Variants in RASL12 observed in about 807,000 individuals in gnomAD.
RASL12 encodes the protein ras-like protein family member 12.
Under a neutral mutation model 22.9 loss-of-function variants are expected in RASL12, and 16 were observed. The observed-to-expected ratio is 0.70, with a 90% CI of 0.47 to 1.06. The LOEUF is 1.06. RASL12 is among the 50% of genes least tolerant of loss of function. The probability of loss-of-function intolerance (pLI) is 0.00; values close to 1 mark genes in which losing one functional copy is unlikely to be tolerated. For synonymous variants in RASL12, 159 were observed against 152.2 expected (o/e 1.04, Z -0.33); for missense variants, 306 against 353.1 (o/e 0.87, Z 1.07).
At chr15:65,052,139 G>A (rs1306305749), downstream of RASL12, among the ~76,000 whole-genome samples, 3 of 152,166 alleles carry the variant, frequency 2.0e-5, no homozygotes, top group East Asian at 1.9e-4. Context: ...GTTGGGGGAG[G>A]GGAGTGATGT....
At chr15:65,063,009 C>G (rs1212849883) in intron 2 of RASL12, among the ~76,000 whole-genome samples, 1 of 152,074 alleles carries the variant, frequency 6.6e-6, no homozygotes, top group Non-Finnish European at 1.5e-5. Flanking sequence ...GTGGGGCTGC[C>G]CACTTCCCAG....
rs184273702 is a variant in RASL12 at position 65,057,917 on chromosome 15, G to A, written c.425+510C>T. Among the ~76,000 whole-genome samples the A allele has an allele frequency of 9.2e-4, 140 of 152,338 alleles. 3 individuals are homozygous for A. The highest frequency in any genetic ancestry group is 9.0e-3 in the Admixed American group (138 of 15,300). On this transcript the variant is annotated intron_variant, in intron 4 of 4. Coordinates refer to ENST00000220062, the MANE Select transcript of RASL12 (RefSeq NM_016563.4). The stretch of plus-strand genomic sequence containing the variant: ...CAGGGTGCAGTTGCTGTGTGACCCA[G>A]AAGCGTTTCCCTTCAAGTCCTTGGC...
chr15:65,047,871 T>C, the RASL12 span, among the ~76,000 whole-genome samples: 1 of 152,082 alleles, frequency 6.6e-6, no homozygotes, highest in Non-Finnish European at 1.5e-5. Flanking sequence ...GCAGTGTGCA[T>C]GTGAGTCCTT....
Position 65,053,843 on chromosome 15 carries a change from A to G in RASL12, c.*1056T>C, listed in dbSNP as rs747638485. Reference sequence around the variant, plus strand: ...GATCTCAAAGGTGTGTCCTGATCCCATGTCTGAGCCATGGTGTCTTGGTAT... The same window carrying G: ...GATCTCAAAGGTGTGTCCTGATCCCGTGTCTGAGCCATGGTGTCTTGGTAT... On this transcript the variant is annotated 3_prime_UTR_variant, in exon 5 of 5. Transcript: ENST00000220062. 1 of 985,864 alleles carries G rather than the reference A, an allele frequency of 1.0e-6. No individual in the cohort carries two copies. The highest frequency in any genetic ancestry group is 1.2e-6 in the Non-Finnish European group (1 of 829,958). 61.1% of individuals were successfully genotyped at this position (985,864 alleles called of 1,614,324 possible).
the RASL12 span, among the ~76,000 whole-genome samples, chr15:65,046,417 C>T: frequency 6.6e-6 from 1 of 152,116 alleles, no homozygotes; most frequent in Non-Finnish European, 1.5e-5. Context: ...TTGCAGTGAG[C>T]TGAGATCATG....
chr15:65,063,473 G>GATCTCCTCCT (rs1472372903), intron 2 of RASL12, among the ~76,000 whole-genome samples: 1 of 152,142 alleles, frequency 6.6e-6, no homozygotes, highest in East Asian at 1.9e-4. Context: ...TCTCTCTGGA[G>GATCTCCTCCT]CTGACCTCTG....
chr15:65,059,461 G>A (rs994291126), intron 2 of RASL12, 43 bp from the exon 3 acceptor site: 4 of 1,513,000 alleles, frequency 2.6e-6, no homozygotes, highest in Admixed American at 1.7e-5. Flanking sequence ...AGTGCCTTGG[G>A]TGTAAGTTTG....
chr15:65,076,164 C>A (rs892185733), intron 1 of RASL12, among the ~76,000 whole-genome samples: 5 of 152,218 alleles, frequency 3.3e-5, no homozygotes, highest in African/African-American at 9.6e-5. Context: ...GCAGGCTACC[C>A]GAGCCAGCAG....
In RASL12 at chr15:65,067,988, G is replaced by A. The variant is rs2086901374; in HGVS notation, c.-153C>T. The A allele has an allele frequency of 8.6e-7, 1 of 1,162,778 alleles. No individual in the cohort carries two copies. Among genetic ancestry groups the A allele is most frequent in the African/African-American group, 1.6e-5 (1 of 61,546 alleles). The allele number at this position is 1,162,778 out of a possible 1,614,324, so 72.0% of individuals were successfully genotyped here. On this transcript the variant is annotated 5_prime_UTR_variant, in exon 1 of 5. Transcript: ENST00000220062. ...CGCGCCCTCGGCCCCGCGTCCAGCGGGCTGCCACCCCGCGGGGAGGAGGGG... is the reference window on the plus strand; with the variant it reads ...CGCGCCCTCGGCCCCGCGTCCAGCGAGCTGCCACCCCGCGGGGAGGAGGGG...
chr15:65,072,934 C>G (rs2086941252), upstream of RASL12, among the ~76,000 whole-genome samples: 1 of 152,054 alleles, frequency 6.6e-6, no homozygotes, highest in Admixed American at 6.6e-5. Context: ...GTCAAGAGTT[C>G]AAGACCAGCC....
At chr15:65,067,247 G>A (rs539961404) in intron 1 of RASL12, among the ~76,000 whole-genome samples, 5 of 152,188 alleles carry the variant, frequency 3.3e-5, no homozygotes, top group Admixed American at 6.5e-5. Context: ...GCCTAATCAG[G>A]GAGTAGCAAG....
chr15:65,061,610 T>C (rs958083687), intron 2 of RASL12, among the ~76,000 whole-genome samples: 1 of 152,214 alleles, frequency 6.6e-6, no homozygotes, highest in Non-Finnish European at 1.5e-5. Flanking sequence ...TTGTAATTAA[T>C]ATCCTGTGGA....
intron 2 of RASL12, 87 bp from the exon 3 acceptor site, chr15:65,059,505 G>T (rs1255725225): frequency 9.7e-7 from 1 of 1,032,328 alleles, no homozygotes; most frequent in East Asian, 2.4e-5. Context: ...TGTGTGGCCT[G>T]GGGGGACCTT....
chr15:65,052,402 T>C (rs1333897301), downstream of RASL12, among the ~76,000 whole-genome samples: 1 of 43,338 alleles, frequency 2.3e-5, no homozygotes, highest in Admixed American at 2.7e-4. Context: ...TCCTTGGCTT[T>C]TTTTTTTTTT....
At position 65,054,933 on chromosome 15, in the gene RASL12, G is replaced by T. The variant is rs36006069; in HGVS notation, c.767C>A (p.Thr256Asn). ...CTTGAAGCCCTTCAGGAGAGTCAGGGTAGGCGCCTTGCGCTTGCTCTGGGC... is the reference window on the plus strand; with the variant it reads ...CTTGAAGCCCTTCAGGAGAGTCAGGTTAGGCGCCTTGCGCTTGCTCTGGGC... ...SRAQSKRKAP[T>N]LTLLKGFKIF is the part of the protein sequence containing the mutation. Residue 256 changes from threonine (T) to asparagine (N), a missense_variant, in exon 5 of 5, where the codon ACC becomes AAC. Thr to Asn is a moderately conservative substitution (Grantham distance 65). Transcript: ENST00000220062. The T allele has an allele frequency of 6.2e-7, 1 of 1,614,182 alleles. No homozygotes were observed. Among genetic ancestry groups the T allele is most frequent in the Non-Finnish European group, 8.5e-7 (1 of 1,180,026 alleles).
chr15:65,046,738 C>A, the RASL12 span, among the ~76,000 whole-genome samples: 2 of 152,000 alleles, frequency 1.3e-5, no homozygotes, highest in East Asian at 1.9e-4. Flanking sequence ...GATGATGAAA[C>A]CCCATCGCTA....
At chr15:65,065,093 TG>T in intron 2 of RASL12, 123 bp downstream of exon 2, 1 of 849,292 alleles carries the variant, frequency 1.2e-6, no homozygotes, top group Non-Finnish European at 1.8e-6. Context: ...TGGGTCATCC[TG>T]GCGGCTTCTC....
downstream of RASL12, chr15:65,049,308 C>T (rs1461855576): frequency 1.3e-5 from 2 of 149,286 alleles, no homozygotes; most frequent in African/African-American, 2.5e-5. Flanking sequence ...ATAACAGAAA[C>T]CAATTCTGCT....
downstream of RASL12, among the ~76,000 whole-genome samples, chr15:65,051,088 C>T (rs947468903): frequency 6.6e-6 from 1 of 152,130 alleles, no homozygotes; most frequent in Non-Finnish European, 1.5e-5. Context: ...AGGTGATCCA[C>T]CTGACTCGGC....
Sources: gnomAD v4.1 joint callset for allele counts (sites outside exome capture counted in the v4.1 genomes callset) on GRCh38, gnomAD v4.1.1 for gene constraint, MANE v1.5 for transcripts, NCBI Gene and HGNC (gene_info 2026-07-23, HGNC 2026-07-21) for gene names.